Variants in CCSER2 observed in about 807,000 individuals in gnomAD.
CCSER2 encodes coiled-coil serine rich protein 2.
CCSER2 carries 46 observed loss-of-function variants against 92.3 expected under a neutral mutation model. The observed-to-expected ratio is 0.50, with a 90% confidence interval of 0.39 to 0.64. CCSER2 has a LOEUF of 0.64. CCSER2 is among the 30% of genes least tolerant of loss of function. The pLI, the probability that CCSER2 is intolerant of heterozygous loss-of-function variation, is 0.00. For missense variants in CCSER2, 1,244 were observed against 1,238.9 expected (o/e 1.00, Z -0.06); for synonymous variants, 433 against 431.4 (o/e 1.00, Z -0.04).
At chr10:84,408,491 G>T (rs1012498074) in intron 3 of CCSER2, among the ~76,000 whole-genome samples, 13 of 148,084 alleles carry the variant, frequency 8.8e-5, no homozygotes, top group Non-Finnish European at 1.8e-4. Flanking sequence ...TTTCCTTTTC[G>T]ACTGGGCTTT....
chr10:84,424,115 A>T (rs369845569), intron 4 of CCSER2, among the ~76,000 whole-genome samples: 1 of 152,008 alleles, frequency 6.6e-6, no homozygotes, highest in East Asian at 1.9e-4. Flanking sequence ...TTGCACCACT[A>T]TACTCTATCC....
At chr10:84,444,753 C>A (rs1458012532) in intron 6 of CCSER2, among the ~76,000 whole-genome samples, 1 of 152,178 alleles carries the variant, frequency 6.6e-6, no homozygotes, top group African/African-American at 2.4e-5. Flanking sequence ...GAAAAAAGTT[C>A]TCCCTGCACA....
intron 1 of CCSER2, among the ~76,000 whole-genome samples, chr10:84,332,444 T>A (rs1459011505): frequency 1.7e-5 from 2 of 118,048 alleles, no homozygotes; most frequent in African/African-American, 7.4e-5. Flanking sequence ...ATATTTTTTT[T>A]TTTTTTTTTT....
chr10:84,507,269 G>T, intron 9 of CCSER2: 1 of 979,540 alleles, frequency 1.0e-6, no homozygotes, highest in Non-Finnish European at 1.2e-6. Context: ...TCTTGTCTCT[G>T]CTCTCCCATT....
Position 84,385,501 on chromosome 10 carries a change from C to T in CCSER2, c.1614+11686C>T, listed in dbSNP as rs569744487. ...CGACAGAACCAACAAAAATAAACTA[C>T]GGGGAAAGGACACCCTATTCAGTAA... On this transcript the variant is annotated intron_variant, in intron 3 of 9. Coordinates refer to ENST00000372088, the MANE Select transcript of CCSER2 (RefSeq NM_001284240.2). Among the ~76,000 whole-genome samples the T allele has an allele frequency of 1.1e-4, 16 of 152,158 alleles. No individual in the cohort carries two copies. The South Asian group carries it at 2.3e-3, about 22-fold the overall frequency.
intron 3 of CCSER2, among the ~76,000 whole-genome samples, chr10:84,412,462 C>T (rs1842701584): frequency 6.6e-6 from 1 of 151,552 alleles, no homozygotes; most frequent in Admixed American, 6.6e-5. Flanking sequence ...TTATTACTGG[C>T]TCAATTTTAG....
intron 3 of CCSER2, among the ~76,000 whole-genome samples, chr10:84,375,216 C>G (rs11201009): frequency 0.12 from 18,699 of 152,138 alleles, 3,330 homozygotes; most frequent in African/African-American, 0.4. Context: ...TCAAAGATTT[C>G]AGAATGCATC....
chr10:84,420,893 A>C (rs1281916805), intron 4 of CCSER2, among the ~76,000 whole-genome samples: 1 of 145,900 alleles, frequency 6.9e-6, no homozygotes, highest in Non-Finnish European at 1.5e-5. Context: ...AGATCACGCT[A>C]CTGCACTCCA....
At chr10:84,501,833 AAATATAT>A (rs1464055637) in intron 9 of CCSER2, among the ~76,000 whole-genome samples, 2 of 62,972 alleles carry the variant, frequency 3.2e-5, no homozygotes, top group East Asian at 4.6e-4. Context: ...AAAAAAAAAA[AAATATAT>A]ATATATATAT....
At chr10:84,391,418 G>A (rs1468468403) in intron 3 of CCSER2, 5 of 1,540,794 alleles carry the variant, frequency 3.2e-6, no homozygotes, top group East Asian at 2.2e-5. Flanking sequence ...TAAAATGCTA[G>A]AAGTTCGACA....
intron 6 of CCSER2, among the ~76,000 whole-genome samples, chr10:84,459,440 G>T (rs1589726042): frequency 6.6e-6 from 1 of 152,156 alleles, no homozygotes; most frequent in Admixed American, 6.5e-5. Flanking sequence ...GGAGTGCCTT[G>T]TTCCTGGTCT....
At chr10:84,396,795 C>A (rs1157427681) in intron 3 of CCSER2, among the ~76,000 whole-genome samples, 1 of 152,112 alleles carries the variant, frequency 6.6e-6, no homozygotes, top group Non-Finnish European at 1.5e-5. Context: ...TCTTGGCCTT[C>A]CAAAGTGTCG....
At chr10:84,459,295 C>T (rs1281587154) in intron 6 of CCSER2, among the ~76,000 whole-genome samples, 3 of 152,090 alleles carry the variant, frequency 2.0e-5, no homozygotes, top group African/African-American at 4.8e-5. Context: ...ATTATAGATA[C>T]TTAAGGGACT....
intron 7 of CCSER2, among the ~76,000 whole-genome samples, chr10:84,467,470 GTA>G (rs1483308731): frequency 1.3e-5 from 2 of 152,114 alleles, no homozygotes; most frequent in Non-Finnish European, 2.9e-5. Flanking sequence ...ATATGTGTGT[GTA>G]TGTGTGTGTG....
intron 9 of CCSER2, among the ~76,000 whole-genome samples, chr10:84,502,875 C>T (rs2131848643): frequency 6.6e-6 from 1 of 152,158 alleles, no homozygotes; most frequent in Admixed American, 6.5e-5. Context: ...GAGTATTTAG[C>T]CCTCGTCACT....
intron 3 of CCSER2, among the ~76,000 whole-genome samples, chr10:84,380,935 T>G (rs1056290783): frequency 6.6e-6 from 1 of 152,178 alleles, no homozygotes; most frequent in African/African-American, 2.4e-5. Context: ...GACCTCGTGA[T>G]CTGCCCACCT....
intron 9 of CCSER2, among the ~76,000 whole-genome samples, chr10:84,487,356 T>C (rs1054654213): frequency 1.2e-4 from 18 of 152,230 alleles, no homozygotes; most frequent in African/African-American, 3.1e-4. Flanking sequence ...TTTCATGATA[T>C]TGATTCTTCC....
chr10:84,445,014 C>T (rs1477192937), intron 6 of CCSER2, among the ~76,000 whole-genome samples: 4 of 152,166 alleles, frequency 2.6e-5, no homozygotes, highest in African/African-American at 9.7e-5. Context: ...GCATTTTAAA[C>T]TCAGGGCTTT....
chr10:84,385,382 C>G (rs531359392), intron 3 of CCSER2, among the ~76,000 whole-genome samples: 1 of 152,154 alleles, frequency 6.6e-6, no homozygotes, highest in Non-Finnish European at 1.5e-5. Flanking sequence ...GTAACCAAAA[C>G]AGCATGGTAC....
Sources: gnomAD v4.1 joint callset for allele counts (sites outside exome capture counted in the v4.1 genomes callset) on GRCh38, gnomAD v4.1.1 for gene constraint, MANE v1.5 for transcripts, NCBI Gene and HGNC (gene_info 2026-07-23, HGNC 2026-07-21) for gene names.